The following AGPS variants were observed in gnomAD, a reference collection of about 807,000 sequenced individuals.
AGPS encodes the protein alkyldihydroxyacetonephosphate synthase, peroxisomal.
Under a neutral mutation model 90.7 loss-of-function variants are expected in AGPS, and 26 were observed. The ratio of observed to expected loss-of-function variants is 0.29; its 90% CI spans 0.21 to 0.40. AGPS has a LOEUF of 0.40. AGPS is among the 10% of genes least tolerant of loss of function. AGPS has a pLI of 1.00. For synonymous variants in AGPS, 294 were observed against 285.3 expected (o/e 1.03, Z -0.31); for missense variants, 540 against 816.1 (o/e 0.66, Z 4.12).
chr2:177,408,984 C>T (rs570501239), intron 1 of AGPS, among the ~76,000 whole-genome samples: 30 of 152,088 alleles, frequency 2.0e-4, no homozygotes, highest in African/African-American at 5.8e-4. Flanking sequence ...AAGTAAGTAC[C>T]CAAGGTGATG....
intron 8 of AGPS, among the ~76,000 whole-genome samples, chr2:177,456,314 T>C (rs1174889941): frequency 6.6e-6 from 1 of 152,258 alleles, no homozygotes; most frequent in Non-Finnish European, 1.5e-5. Context: ...CGGCTAAATG[T>C]ATATGATCTT....
At chr2:177,406,565 C>T (rs947967857) in intron 1 of AGPS, among the ~76,000 whole-genome samples, 6 of 152,126 alleles carry the variant, frequency 3.9e-5, no homozygotes, top group Non-Finnish European at 8.8e-5. Flanking sequence ...CTTAATGTGT[C>T]TGGGAACAGC....
intron 2 of AGPS, among the ~76,000 whole-genome samples, chr2:177,431,165 G>A (rs972820000): frequency 6.6e-6 from 1 of 152,102 alleles, no homozygotes; most frequent in African/African-American, 2.4e-5. Flanking sequence ...GGGCCGCCGG[G>A]GGTGATACCA....
Position 177,436,977 on chromosome 2 carries a change from C to T in AGPS, c.563-3C>T. On this transcript the variant is annotated splice_region_variant and splice_polypyrimidine_tract_variant and intron_variant, in intron 4 of 19. Coordinates refer to ENST00000264167, the MANE Select transcript of AGPS (RefSeq NM_003659.4). Reference sequence around the variant, plus strand: ...GTTTTTCTTTTTTTTAACCACAAAACAGGTCATTGTCTTCATGAGATATTT... The same window carrying T: ...GTTTTTCTTTTTTTTAACCACAAAATAGGTCATTGTCTTCATGAGATATTT... 1.2e-6 allele frequency: 2 copies of T among 1,613,212 alleles called. No individual in the cohort carries two copies. Among genetic ancestry groups the T allele is most frequent in the South Asian group, 2.2e-5 (2 of 90,956 alleles).
At chr2:177,430,884 C>T (rs1481026505) in intron 2 of AGPS, among the ~76,000 whole-genome samples, 2 of 151,998 alleles carry the variant, frequency 1.3e-5, no homozygotes, top group African/African-American at 4.8e-5. Flanking sequence ...TAGTTTGGTA[C>T]TTAGAAATCA....
chr2:177,502,679 C>G (rs1251694566), intron 14 of AGPS, among the ~76,000 whole-genome samples: 2 of 152,072 alleles, frequency 1.3e-5, no homozygotes, highest in Non-Finnish European at 2.9e-5. Context: ...AGTACTCCCA[C>G]CTTGGCCTCC....
chr2:177,392,858 G>T lies in AGPS; in HGVS notation c.69G>T (p.Ala23=), dbSNP rs775627182. The change falls in exon 1 of 20, where the codon GCG becomes GCT. Residue 23 remains alanine, a synonymous_variant. Coordinates refer to ENST00000264167, the MANE Select transcript of AGPS (RefSeq NM_003659.4). ...CGGGCGCGAGCTACGGGTCTGCAGCGGACCGGGACCGGGACCCGGACCCGG... is the reference window on the plus strand; with the variant it reads ...CGGGCGCGAGCTACGGGTCTGCAGCTGACCGGGACCGGGACCCGGACCCGG... ...LGAGASYGSA[A]DRDRDPDPDR... is the part of the protein sequence containing the mutation. The T allele has an allele frequency of 2.6e-6, 4 of 1,551,822 alleles. No homozygotes were observed. Among genetic ancestry groups the T allele is most frequent in the Non-Finnish European group, 3.5e-6 (4 of 1,151,948 alleles).
intron 17 of AGPS, among the ~76,000 whole-genome samples, chr2:177,519,127 A>C (rs1012103563): frequency 6.6e-6 from 1 of 152,092 alleles, no homozygotes; most frequent in Non-Finnish European, 1.5e-5. Flanking sequence ...TCCTGATGTC[A>C]GAATTGTAGT....
At chr2:177,487,325 A>G (rs1385540723) in intron 11 of AGPS, among the ~76,000 whole-genome samples, 2 of 152,144 alleles carry the variant, frequency 1.3e-5, no homozygotes, top group African/African-American at 4.8e-5. Flanking sequence ...TCTTCTCAGT[A>G]AAACCTAGTT....
intron 10 of AGPS, among the ~76,000 whole-genome samples, chr2:177,470,378 A>G (rs2105677965): frequency 6.6e-6 from 1 of 152,292 alleles, no homozygotes; most frequent in South Asian, 2.1e-4. Flanking sequence ...TAAGGAAGGG[A>G]CAAAGTTATT....
chr2:177,450,964 A>ACACATATATGTATATATG (rs1686923276), intron 8 of AGPS, among the ~76,000 whole-genome samples: 2 of 123,760 alleles, frequency 1.6e-5, no homozygotes, highest in Admixed American at 7.8e-5. Context: ...CATGTCTTTC[A>ACACATATATGTATATATG]TATATATATA....
At chr2:177,424,397 A>G (rs1686019408) in intron 2 of AGPS, among the ~76,000 whole-genome samples, 2 of 152,022 alleles carry the variant, frequency 1.3e-5, no homozygotes, top group Non-Finnish European at 2.9e-5. Context: ...TGTGTTTGCT[A>G]TTGTGAATTG....
chr2:177,428,233 A>G (rs970052658), intron 2 of AGPS, among the ~76,000 whole-genome samples: 1 of 152,034 alleles, frequency 6.6e-6, no homozygotes, highest in Non-Finnish European at 1.5e-5. Context: ...TGCATTTTAC[A>G]TGGGTCTCTT....
intron 19 of AGPS, among the ~76,000 whole-genome samples, chr2:177,531,540 A>G (rs2079137300): frequency 1.3e-5 from 2 of 152,198 alleles, no homozygotes; most frequent in South Asian, 4.1e-4. Flanking sequence ...GGTTTGGTAG[A>G]AAACTCAACA....
chr2:177,456,480 G>GA (rs1181163030), intron 8 of AGPS, among the ~76,000 whole-genome samples: 1 of 152,086 alleles, frequency 6.6e-6, no homozygotes, highest in Non-Finnish European at 1.5e-5. Flanking sequence ...TTTTTGGCAA[G>GA]AAAAAACCCA....
chr2:177,537,672 C>A (rs1226640029), intron 19 of AGPS, among the ~76,000 whole-genome samples: 1 of 152,136 alleles, frequency 6.6e-6, no homozygotes, highest in Admixed American at 6.6e-5. Flanking sequence ...ATTTACCCAA[C>A]AAATTCGTCT....
chr2:177,462,237 A>C (rs1334548694), intron 9 of AGPS, among the ~76,000 whole-genome samples: 1 of 151,632 alleles, frequency 6.6e-6, no homozygotes, highest in African/African-American at 2.4e-5. Context: ...AAAAATACAA[A>C]AAAAAATTAG....
chr2:177,435,319 C>T (rs558535296), intron 3 of AGPS, among the ~76,000 whole-genome samples: 6 of 152,026 alleles, frequency 3.9e-5, no homozygotes, highest in African/African-American at 9.6e-5. Flanking sequence ...TTAGGCTGAA[C>T]AACTAATTCT....
chr2:177,527,794 A>G (rs1316560788), intron 19 of AGPS, among the ~76,000 whole-genome samples: 1 of 152,208 alleles, frequency 6.6e-6, no homozygotes, highest in African/African-American at 2.4e-5. Context: ...AGTTGAATCT[A>G]GCAACGTTTG....
Sources: gnomAD v4.1 joint callset for allele counts (sites outside exome capture counted in the v4.1 genomes callset) on GRCh38, gnomAD v4.1.1 for gene constraint, MANE v1.5 for transcripts, NCBI Gene and HGNC (gene_info 2026-07-23, HGNC 2026-07-21) for gene names.